GASK1A: variants seen among roughly 807,000 people sequenced by gnomAD.
GASK1A encodes Golgi-associated kinase 1A.
GASK1A carries 40 observed loss-of-function variants against 41.2 expected under a neutral mutation model. The observed-to-expected ratio is 0.97, with a 90% CI of 0.75 to 1.27. The LOEUF is 1.27. GASK1A is among the 50% of genes most tolerant of loss of function. GASK1A has a pLI of 0.00. For missense variants in GASK1A, 678 were observed against 745.1 expected, an observed-to-expected ratio of 0.91 and a Z score of 1.05; for synonymous variants, 316 against 307.1, an observed-to-expected ratio of 1.03 and a Z score of -0.30.
intron 2 of GASK1A, among the ~76,000 whole-genome samples, chr3:43,036,963 T>A (rs1212874360): frequency 6.6e-6 from 1 of 152,210 alleles, no homozygotes; most frequent in African/African-American, 2.4e-5. Flanking sequence ...AAATCATAGA[T>A]GTGTTCTTTT....
At chr3:42,996,118 AAC>A (rs1358355866) in intron 1 of GASK1A, among the ~76,000 whole-genome samples, 1 of 108,068 alleles carries the variant, frequency 9.3e-6, no homozygotes. Context: ...GCAACCAGCA[AAC>A]AGGGGGACAT....
intron 2 of GASK1A, among the ~76,000 whole-genome samples, chr3:43,039,209 T>TG (rs560236201): frequency 0.01 from 1,495 of 149,244 alleles, 23 homozygotes; most frequent in African/African-American, 0.03. Flanking sequence ...TTTTTGGTTT[T>TG]TTTTTTTTTT....
In GASK1A at chr3:43,018,899, G is replaced by T. The variant is rs189801304; in HGVS notation, c.4-13368G>T. ...TTACGTGGCAGCTTCTTCCTGGGGT[G>T]GCACAGCAACTAGGTCAGCTAGCTC... On this transcript the variant is annotated intron_variant, in intron 1 of 4. Coordinates refer to ENST00000430121, the MANE Select transcript of GASK1A (RefSeq NM_001129908.3). 2.0e-5 allele frequency among the ~76,000 whole-genome samples: 3 copies of T among 152,260 alleles called. No individual in the cohort carries two copies. In the East Asian group the frequency reaches 5.8e-4, roughly 29 times the overall value.
chr3:43,004,684 C>T (rs1002546856), intron 1 of GASK1A, among the ~76,000 whole-genome samples: 1 of 152,206 alleles, frequency 6.6e-6, no homozygotes. Flanking sequence ...ATCTCCAGTA[C>T]AGACACATTA....
chr3:43,028,493 G>A (rs2089557750), intron 1 of GASK1A, among the ~76,000 whole-genome samples: 1 of 152,142 alleles, frequency 6.6e-6, no homozygotes, highest in Non-Finnish European at 1.5e-5. Flanking sequence ...GGCATATCAA[G>A]TAATGTAAAT....
At chr3:43,015,620 T>A (rs191832202) in intron 1 of GASK1A, among the ~76,000 whole-genome samples, 1 of 149,228 alleles carries the variant, frequency 6.7e-6, no homozygotes, top group Non-Finnish European at 1.5e-5. Flanking sequence ...GAAGCGGGTG[T>A]GTGAAGTCAC....
At chr3:43,000,064 T>C (rs1208436150) in intron 1 of GASK1A, among the ~76,000 whole-genome samples, 2 of 152,320 alleles carry the variant, frequency 1.3e-5, no homozygotes, top group African/African-American at 4.8e-5. Flanking sequence ...TTATCACATA[T>C]GCAAAGGTCC....
intron 1 of GASK1A, among the ~76,000 whole-genome samples, chr3:42,992,424 G>T (rs751049699): frequency 1.5e-4 from 23 of 152,192 alleles, no homozygotes; most frequent in Non-Finnish European, 3.1e-4. Context: ...GGCACCTTGC[G>T]TAACAGTCAG....
rs983788430 is a variant in GASK1A, at chr3:42,984,361, TATACTC to T, written c.3+4721_3+4726del. Among the ~76,000 whole-genome samples, 32 of 152,116 alleles carry T rather than the reference TATACTC, an allele frequency of 2.1e-4. No individual in the cohort carries two copies. The highest frequency in any genetic ancestry group is 6.3e-4 in the African/African-American group (26 of 41,502). On this transcript the variant is annotated intron_variant, in intron 1 of 4. Transcript: ENST00000430121. This position sits in a 1 kb window ranked among gnomAD's most constrained non-coding sequence, Gnocchi z 4.2. Reference sequence around the variant, plus strand: ...CACGCTGACTTTCACACATCACACATATACTCATACACACACATGTGCACGCACACA... The same window carrying T: ...CACGCTGACTTTCACACATCACACATATACACACACATGTGCACGCACACA...
At position 43,056,532 on chromosome 3, in the gene GASK1A, G is replaced by A. The variant is rs568918566; in HGVS notation, c.*146G>A. 3.2e-5 allele frequency: 21 copies of A among 662,514 alleles called. No homozygotes were observed. In the South Asian group the frequency reaches 5.0e-4, roughly 16 times the overall value. The allele number at this position is 662,514 out of a possible 1,614,324, so 41.0% of individuals were successfully genotyped here. A position where few individuals can be genotyped will look rare whatever the true frequency, so the allele number is the denominator to read the frequency against. On this transcript the variant is annotated 3_prime_UTR_variant, in exon 5 of 5. Coordinates refer to ENST00000430121, the MANE Select transcript of GASK1A (RefSeq NM_001129908.3). ...TATTTCACCTGCCTGGGATGGTGGA[G>A]GTAGTATGGGGTTTTCAATCTCAAA...
intron 1 of GASK1A, among the ~76,000 whole-genome samples, chr3:43,022,264 G>A (rs978027358): frequency 6.6e-5 from 10 of 151,952 alleles, no homozygotes; most frequent in Admixed American, 2.0e-4. Flanking sequence ...GCTTTACTTG[G>A]GTGGCCCTCC....
In GASK1A at chr3:43,057,644, T is replaced by A. The variant is rs780376363; in HGVS notation, c.*1258T>A. ...CCTTTGCTTGTTAATTTGTTGGAAA[T>A]CTTTGACTCTAATAAGTGTGATCAA... On this transcript the variant is annotated 3_prime_UTR_variant, in exon 5 of 5. Transcript: ENST00000430121. 6.6e-6 allele frequency: 1 copy of A among 152,240 alleles called. No homozygotes were observed. The highest frequency in any genetic ancestry group is 2.4e-5 in the African/African-American group (1 of 41,460). 9.4% of individuals were successfully genotyped at this position (152,240 alleles called of 1,614,324 possible).
chr3:43,045,702 C>T (rs770255103), intron 2 of GASK1A, among the ~76,000 whole-genome samples: 5 of 152,298 alleles, frequency 3.3e-5, no homozygotes, highest in Non-Finnish European at 7.3e-5. Context: ...ACTGTGTCCC[C>T]ACCCAAAATC....
chr3:42,979,580 G>A lies in GASK1A; in HGVS notation c.-63G>A, dbSNP rs1359743256. ...ACGGCGCCGGGGGCGGCCAAGGGGAGGCGGGATGAGTCTGCGAGCCGGCTG... is the reference window on the plus strand; with the variant it reads ...ACGGCGCCGGGGGCGGCCAAGGGGAAGCGGGATGAGTCTGCGAGCCGGCTG... On this transcript the variant is annotated 5_prime_UTR_variant, in exon 1 of 5. Coordinates refer to ENST00000430121, the MANE Select transcript of GASK1A (RefSeq NM_001129908.3). 1.6e-6 allele frequency: 2 copies of A among 1,238,864 alleles called. No individual in the cohort carries two copies. Among genetic ancestry groups the A allele is most frequent in the Non-Finnish European group, 2.0e-6 (2 of 987,414 alleles). The allele number at this position is 1,238,864 out of a possible 1,614,324, so 76.7% of individuals were successfully genotyped here. A position where few individuals can be genotyped will look rare whatever the true frequency, so the allele number is the denominator to read the frequency against.
chr3:43,001,557 C>T (rs1312184648), intron 1 of GASK1A, among the ~76,000 whole-genome samples: 3 of 152,172 alleles, frequency 2.0e-5, no homozygotes, highest in African/African-American at 7.2e-5. Flanking sequence ...AAGCTGCAGA[C>T]AGGGAGCTGA....
intron 2 of GASK1A, among the ~76,000 whole-genome samples, chr3:43,040,999 T>G (rs1198201324): frequency 6.6e-6 from 1 of 150,746 alleles, no homozygotes; most frequent in African/African-American, 2.4e-5. Flanking sequence ...CTTGCGATAG[T>G]TTACTGAGAA....
At chr3:42,979,669 G>A (rs77103726) in intron 1 of GASK1A, 24 bp downstream of exon 1, 16 of 1,245,968 alleles carry the variant, frequency 1.3e-5, no homozygotes, top group Non-Finnish European at 1.6e-5. Flanking sequence ...GAAGGAACGC[G>A]CGAGCGGAGG....
intron 1 of GASK1A, among the ~76,000 whole-genome samples, chr3:43,024,301 A>G (rs1169467234): frequency 3.3e-5 from 5 of 152,128 alleles, no homozygotes; most frequent in African/African-American, 1.2e-4. Context: ...CAGTTAGCTT[A>G]ACTTTCTTTG....
rs1233056739 is a variant in GASK1A at position 43,033,465 on chromosome 3, A to G, written c.1202A>G (p.His401Arg). The G allele has an allele frequency of 6.4e-7, 1 of 1,551,048 alleles. No homozygotes were observed. Among genetic ancestry groups the G allele is most frequent in the South Asian group, 1.2e-5 (1 of 84,066 alleles). The change falls in exon 2 of 5, where the codon CAC becomes CGC. Residue 401 changes from histidine (H) to arginine (R), a missense_variant. Transcript: ENST00000430121. The stretch of plus-strand genomic sequence containing the variant: ...CTGCAGTATCAGGCCCTGCTGGCAC[A>G]CAGCTGCAACTGGCCAGGCCAGGCC... The part of the protein sequence containing the change: ...GWLQYQALLA[H>R]SCNWPGQAPC...
Sources: allele counts gnomAD v4.1 joint callset (sites outside exome capture counted in the v4.1 genomes callset), GRCh38; gene constraint gnomAD v4.1.1; non-coding constraint Gnocchi (gnomAD v3.1); transcripts MANE v1.5; gene names NCBI Gene and HGNC (gene_info 2026-07-23, HGNC 2026-07-21).